Variants in VPS13C observed in about 807,000 individuals in gnomAD.
VPS13C encodes intermembrane lipid transfer protein VPS13C.
In VPS13C, 358 loss-of-function variants were observed where a neutral mutation model predicts 456.8. The observed-to-expected ratio is 0.78, with a 90% CI of 0.72 to 0.86. VPS13C has a LOEUF of 0.86. VPS13C is among the 40% of genes least tolerant of loss of function. The probability of loss-of-function intolerance (pLI) is 0.00; values close to 1 mark genes in which losing one functional copy is unlikely to be tolerated. For missense variants in VPS13C, 4,818 were observed against 4,385.4 expected (o/e 1.10, Z -2.79); for synonymous variants, 1,578 against 1,486.7 (o/e 1.06, Z -1.41).
At chr15:61,862,702 C>T (rs1000254405) in intron 82 of VPS13C, among the ~76,000 whole-genome samples, 1 of 152,074 alleles carries the variant, frequency 6.6e-6, no homozygotes, top group Admixed American at 6.5e-5. Flanking sequence ...ACTGGAGAAT[C>T]CTCTCTTACA....
intron 10 of VPS13C, among the ~76,000 whole-genome samples, 196 bp downstream of exon 10, chr15:62,013,737 T>C (rs896269528): frequency 6.6e-6 from 1 of 152,026 alleles, no homozygotes; most frequent in Non-Finnish European, 1.5e-5. Flanking sequence ...GTATCTTCAC[T>C]TGATAGGTAA....
chr15:62,018,296 T>C (rs1313517976), intron 9 of VPS13C, among the ~76,000 whole-genome samples: 1 of 152,262 alleles, frequency 6.6e-6, no homozygotes, highest in African/African-American at 2.4e-5. Flanking sequence ...CCTGCTTGAC[T>C]GCCCTGGCCA....
chr15:62,029,759 G>A (rs528174256), intron 5 of VPS13C, among the ~76,000 whole-genome samples: 1 of 152,138 alleles, frequency 6.6e-6, no homozygotes, highest in Admixed American at 6.6e-5. Flanking sequence ...AAGGAGCCTG[G>A]AAGCTAGAAA....
chr15:61,905,832 T>C lies in VPS13C; in HGVS notation c.9105+1432A>G, dbSNP rs1018226299. Among the ~76,000 whole-genome samples the C allele has an allele frequency of 9.9e-5, 15 of 152,264 alleles. No homozygotes were observed. In the South Asian group the frequency reaches 2.3e-3, roughly 23 times the overall value. On this transcript the variant is annotated intron_variant, in intron 66 of 84. Transcript: ENST00000644861. ...TAGGATTAAATGGGATATAAATATATAGTATGCACAGAATACAGTTTCCCC... is the reference window on the plus strand; with the variant it reads ...TAGGATTAAATGGGATATAAATATACAGTATGCACAGAATACAGTTTCCCC...
chr15:61,963,926 G>A lies in VPS13C; in HGVS notation c.3240C>T (p.Asp1080=). ...TGGCAAATAGCCTGAAATCAATAAT[G>A]TCACTATCTCTGGAGGATACAATCG... ...PKAIVSSRDS[D]IIDFRLFAKL... Residue 1080 remains aspartate, a synonymous_variant, in exon 32 of 85, where the codon GAC becomes GAT. Coordinates refer to ENST00000644861, the MANE Select transcript of VPS13C (RefSeq NM_020821.3). 1 of 1,609,916 alleles carries A rather than the reference G, an allele frequency of 6.2e-7. No individual in the cohort carries two copies. The highest frequency in any genetic ancestry group is 2.2e-5 in the East Asian group (1 of 44,758).
chr15:61,872,424 G>T (rs1199682109), intron 78 of VPS13C, among the ~76,000 whole-genome samples: 1 of 151,882 alleles, frequency 6.6e-6, no homozygotes, highest in African/African-American at 2.4e-5. Flanking sequence ...AATTTTAAGG[G>T]GATTACATTG....
At chr15:61,907,486 A>G in intron 65 of VPS13C, 96 bp from the exon 66 acceptor site, 2 of 1,449,984 alleles carry the variant, frequency 1.4e-6, no homozygotes, top group Non-Finnish European at 1.8e-6. Context: ...CAGAAGTCCT[A>G]CGAAATTGCT....
chr15:61,921,931 T>G lies in VPS13C; in HGVS notation c.7062+16A>C. The G allele has an allele frequency of 6.2e-7, 1 of 1,608,040 alleles. No individual in the cohort carries two copies. Among genetic ancestry groups the G allele is most frequent in the Non-Finnish European group, 8.5e-7 (1 of 1,175,104 alleles). On this transcript the variant is annotated intron_variant, in intron 55 of 84. Coordinates refer to ENST00000644861, the MANE Select transcript of VPS13C (RefSeq NM_020821.3). ...ATAGTATCATTCTATCCAAAGATAT[T>G]TTAAGATTTCCTTACATCAAGCCTT...
At chr15:61,913,755 CT>C (rs2140154938) in intron 61 of VPS13C, among the ~76,000 whole-genome samples, 1 of 152,222 alleles carries the variant, frequency 6.6e-6, no homozygotes, top group East Asian at 1.9e-4. Flanking sequence ...TGACATAGAG[CT>C]AACAAATTTT....
intron 3 of VPS13C, 114 bp downstream of exon 3, chr15:62,041,210 G>T (rs1319924251): frequency 3.8e-6 from 4 of 1,052,842 alleles, no homozygotes; most frequent in South Asian, 1.5e-5. Context: ...TAATTAATGA[G>T]GCAAAAAAAA....
chr15:62,026,816 T>C (rs2047657095), intron 6 of VPS13C, among the ~76,000 whole-genome samples: 1 of 152,082 alleles, frequency 6.6e-6, no homozygotes, highest in African/African-American at 2.4e-5. Flanking sequence ...ATCAAGGGAA[T>C]TCTTAAGTAA....
At chr15:62,032,669 T>C (rs2047858022) in intron 5 of VPS13C, among the ~76,000 whole-genome samples, 1 of 151,770 alleles carries the variant, frequency 6.6e-6, no homozygotes, top group Admixed American at 6.6e-5. Flanking sequence ...TCTAACTCAA[T>C]ATTTGCTTTA....
At chr15:61,913,546 T>C (rs959486542) in intron 61 of VPS13C, 131 bp from the exon 62 acceptor site, 1 of 682,048 alleles carries the variant, frequency 1.5e-6, no homozygotes, top group African/African-American at 1.8e-5. Context: ...ATCAAAGCCA[T>C]ATTGCAAACA....
At chr15:61,871,415 T>G (rs1171460642) in intron 79 of VPS13C, among the ~76,000 whole-genome samples, 1 of 152,174 alleles carries the variant, frequency 6.6e-6, no homozygotes, top group Non-Finnish European at 1.5e-5. Flanking sequence ...TAAGAGTCTA[T>G]TTCTGACTCC....
chr15:61,936,843 G>A, intron 47 of VPS13C, 93 bp from the exon 48 acceptor site: 1 of 1,264,216 alleles, frequency 7.9e-7, no homozygotes, highest in Non-Finnish European at 1.1e-6. Context: ...CAAATTAATT[G>A]TTCACCTACT....
chr15:61,947,331 C>G (rs1202983043), intron 42 of VPS13C, 22 bp from the exon 43 acceptor site: 1 of 1,537,138 alleles, frequency 6.5e-7, no homozygotes, highest in Non-Finnish European at 9.0e-7. Flanking sequence ...TAGAAACCTT[C>G]TGATGAGCAA....
At position 61,991,796 on chromosome 15, in the gene VPS13C, G is replaced by T. The variant is rs370789719; in HGVS notation, c.1360C>A (p.Arg454=). 9 of 1,605,896 alleles carry T rather than the reference G, an allele frequency of 5.6e-6. No homozygotes were observed. In the African/African-American group the frequency reaches 1.1e-4, roughly 19 times the overall value. The part of the protein sequence containing the change: ...ARQQAQVEVI[R]SGQKLRKKSA... ...TTTTTCCTTAATTTTTGCCCAGACC[G>T]AATCACCTGAAAAATAAAAATTAAA... The change falls in exon 17 of 85, where the codon CGG becomes AGG. Residue 454 remains arginine (R), a synonymous_variant. Coordinates refer to ENST00000644861, the MANE Select transcript of VPS13C (RefSeq NM_020821.3).
intron 1 of VPS13C, among the ~76,000 whole-genome samples, chr15:62,056,486 G>C (rs564833387): frequency 6.6e-6 from 1 of 152,354 alleles, no homozygotes; most frequent in South Asian, 2.1e-4. Context: ...CATCTAGGAA[G>C]ACGCCCGTTG....
chr15:61,873,786 G>C (rs566151400), intron 77 of VPS13C, among the ~76,000 whole-genome samples: 1 of 151,958 alleles, frequency 6.6e-6, no homozygotes, highest in African/African-American at 2.4e-5. Flanking sequence ...ACTGAAACTA[G>C]AACTACCGTA....
Sources: allele counts gnomAD v4.1 joint callset (sites outside exome capture counted in the v4.1 genomes callset), GRCh38; gene constraint gnomAD v4.1.1; transcripts MANE v1.5; gene names NCBI Gene and HGNC (gene_info 2026-07-23, HGNC 2026-07-21).